Variants in CHD2 observed in about 807,000 individuals in gnomAD.
CHD2 encodes the protein ATP-dependent chromatin remodeler CHD2.
In CHD2, 28 loss-of-function variants were observed where a neutral mutation model predicts 243.9. The observed-to-expected ratio is 0.11, with a 90% CI of 0.09 to 0.16. CHD2 has a LOEUF of 0.16. Among genes scored for constraint, CHD2 ranks in the 10% least tolerant of loss-of-function variants. CHD2 has a pLI of 1.00. For missense variants in CHD2, 1,386 were observed against 2,209.8 expected (o/e 0.63, Z 7.47); for synonymous variants, 775 against 779.0 (o/e 0.99, Z 0.09).
At chr15:92,970,878 C>A (rs559191726) in intron 17 of CHD2, among the ~76,000 whole-genome samples, 1 of 152,006 alleles carries the variant, frequency 6.6e-6, no homozygotes, top group Non-Finnish European at 1.5e-5. Context: ...AGAAATTGCG[C>A]CACTCAGGAA....
At chr15:92,987,914 A>G (rs1342149794) in intron 26 of CHD2, among the ~76,000 whole-genome samples, 4 of 152,034 alleles carry the variant, frequency 2.6e-5, no homozygotes, top group Non-Finnish European at 5.9e-5. Flanking sequence ...ACATCTTAGA[A>G]CAATTTACTT....
At chr15:92,968,634 T>G (rs1024814270) in intron 17 of CHD2, among the ~76,000 whole-genome samples, 2 of 152,234 alleles carry the variant, frequency 1.3e-5, no homozygotes, top group African/African-American at 4.8e-5. Flanking sequence ...AAAGAAACTT[T>G]CCCATGTCAG....
chr15:92,991,897 T>C (rs2054124862), intron 27 of CHD2: 1 of 161,612 alleles, frequency 6.2e-6, no homozygotes, highest in South Asian at 2.0e-4. Flanking sequence ...AAAGGCTCTT[T>C]ATGATTTTAT....
intron 1 of CHD2, 144 bp downstream of exon 1, chr15:92,900,968 T>A (rs2052520705): frequency 4.3e-6 from 2 of 462,954 alleles, no homozygotes; most frequent in East Asian, 7.0e-5. Context: ...TGAGAAAGTT[T>A]CCTTATTGAT....
chr15:92,938,943 C>A (rs1439314188), intron 6 of CHD2, among the ~76,000 whole-genome samples: 1 of 152,142 alleles, frequency 6.6e-6, no homozygotes, highest in African/African-American at 2.4e-5. Context: ...TGTATAGTTA[C>A]TTCTTGTGCT....
intron 2 of CHD2, among the ~76,000 whole-genome samples, chr15:92,919,589 A>G (rs2052914993): frequency 6.6e-6 from 1 of 152,012 alleles, no homozygotes; most frequent in Non-Finnish European, 1.5e-5. Context: ...ATGGGGTTTC[A>G]CCGTGTTAGC....
chr15:92,940,946 T>A (rs2053366412), intron 7 of CHD2, among the ~76,000 whole-genome samples: 1 of 129,544 alleles, frequency 7.7e-6, no homozygotes, highest in Admixed American at 9.2e-5. Flanking sequence ...AAAATATATA[T>A]AAATATAAAT....
chr15:92,950,972 T>G (rs576680797), intron 13 of CHD2, among the ~76,000 whole-genome samples: 1 of 152,294 alleles, frequency 6.6e-6, no homozygotes, highest in African/African-American at 2.4e-5. Flanking sequence ...TCTGAATTGC[T>G]TAAAAATGAT....
Position 93,024,780 on chromosome 15 carries a change from T to C in CHD2, c.*75T>C. ...TTTGGTCTGATCCTACAGTAGCCGGTTATCTAGACCAGTAAGTGGAGTTTT... is the reference window on the plus strand; with the variant it reads ...TTTGGTCTGATCCTACAGTAGCCGGCTATCTAGACCAGTAAGTGGAGTTTT... On this transcript the variant is annotated 3_prime_UTR_variant, in exon 39 of 39. Coordinates refer to ENST00000394196, the MANE Select transcript of CHD2 (RefSeq NM_001271.4). 1 of 1,278,162 alleles carries C rather than the reference T, an allele frequency of 7.8e-7. No homozygotes were observed. Among genetic ancestry groups the C allele is most frequent in the Non-Finnish European group, 1.1e-6 (1 of 920,716 alleles). 79.2% of individuals were successfully genotyped at this position (1,278,162 alleles called of 1,614,324 possible). A position where few individuals can be genotyped will look rare whatever the true frequency, so the allele number is the denominator to read the frequency against.
At chr15:92,936,061 C>T (rs7164668) in intron 5 of CHD2, among the ~76,000 whole-genome samples, 71,774 of 151,884 alleles carry the variant, frequency 0.47, 17,968 homozygotes, top group East Asian at 0.85. Flanking sequence ...TATGGAAACA[C>T]GCAGTGCTAG....
chr15:92,946,203 C>T lies in CHD2; in HGVS notation c.1364C>T (p.Thr455Ile), dbSNP rs1196403804. The T allele has an allele frequency of 1.9e-6, 3 of 1,610,418 alleles. No individual in the cohort carries two copies. The highest frequency in any genetic ancestry group is 4.5e-5 in the East Asian group (2 of 44,852). Residue 455 changes from threonine to isoleucine, a missense_variant, in exon 12 of 39, where the codon ACA becomes ATA. Coordinates refer to ENST00000394196, the MANE Select transcript of CHD2 (RefSeq NM_001271.4). Reference protein sequence around the residue: ...HSRNNSKTIPTRECKALKQRP... With the variant: ...HSRNNSKTIPIRECKALKQRP... ...AGGAACAACTCAAAAACCATCCCAA[C>T]AAGAGAATGCAAGGTATGGTGATGG...
At chr15:93,005,359 A>C (rs1390657192) in intron 34 of CHD2, among the ~76,000 whole-genome samples, 1 of 152,160 alleles carries the variant, frequency 6.6e-6, no homozygotes, top group Non-Finnish European at 1.5e-5. Context: ...GAGCGAGTGC[A>C]TGGACCAGGT....
chr15:92,971,619 TA>T lies in CHD2; in HGVS notation c.2190-145del, dbSNP rs2053842964. 9.3e-6 allele frequency: 5 copies of T among 537,868 alleles called. No individual in the cohort carries two copies. In the South Asian group the frequency reaches 1.9e-4, roughly 21 times the overall value. 33.3% of individuals were successfully genotyped at this position (537,868 alleles called of 1,614,324 possible). A position where few individuals can be genotyped will look rare whatever the true frequency, so the allele number is the denominator to read the frequency against. On this transcript the variant is annotated intron_variant, in intron 17 of 38. Transcript: ENST00000394196. ...AGATGTATGATTAGATGGCAGGAGA[TA>T]CAAAAGAAAATATTCTTTGCTTCTT...
chr15:92,924,514 C>G lies in CHD2; in HGVS notation c.256C>G (p.Pro86Ala). Residue 86 changes from proline (P) to alanine (A), a missense_variant, in exon 3 of 39, where the codon CCA (proline) becomes GCA (alanine). This residue lies in a region of CHD2 where 89 missense variants were observed against 102.4 expected (regional missense o/e 0.87). Coordinates refer to ENST00000394196, the MANE Select transcript of CHD2 (RefSeq NM_001271.4). ...QPVLPEAKEK[P>A]ASKKERIADV... ...AGTCCTCCCAGAAGCCAAAGAGAAG[C>G]CAGCCTCTAAGAAGGAACGGATAGC... 6.2e-7 allele frequency: 1 copy of G among 1,614,082 alleles called. No individual in the cohort carries two copies. The highest frequency in any genetic ancestry group is 8.5e-7 in the Non-Finnish European group (1 of 1,180,006).
chr15:93,010,429 T>TC (rs2054377080), intron 35 of CHD2, among the ~76,000 whole-genome samples: 1 of 100,762 alleles, frequency 9.9e-6, no homozygotes, highest in South Asian at 4.0e-4. Context: ...TTTTTTTTTT[T>TC]TTAAATGAGA....
chr15:93,014,918 T>C lies in CHD2; in HGVS notation c.4906+9T>C, dbSNP rs2054438627. ...ACACTTCAGTAATGCAGGTAGGTCA[T>C]TAAGTGGAGTTTTTAAAAGAGGTGC... On this transcript the variant is annotated intron_variant, in intron 37 of 38. Coordinates refer to ENST00000394196, the MANE Select transcript of CHD2 (RefSeq NM_001271.4). 1 of 1,608,338 alleles carries C rather than the reference T, an allele frequency of 6.2e-7. No homozygotes were observed. Among genetic ancestry groups the C allele is most frequent in the East Asian group, 2.2e-5 (1 of 44,826 alleles).
chr15:92,995,673 T>G (rs1256834455), intron 28 of CHD2, among the ~76,000 whole-genome samples: 1 of 152,194 alleles, frequency 6.6e-6, no homozygotes, highest in Non-Finnish European at 1.5e-5. Context: ...ATATTTGGGT[T>G]GTTTTCGGTC....
intron 16 of CHD2, among the ~76,000 whole-genome samples, chr15:92,958,530 C>A (rs991690550): frequency 9.2e-5 from 14 of 152,036 alleles, no homozygotes; most frequent in Admixed American, 6.5e-4. Context: ...GCAAAAAATT[C>A]AAAAAATTGC....
rs780655341 is a variant in CHD2, at chr15:92,927,342, A to G, written c.381+12A>G. 8 of 1,602,454 alleles carry G rather than the reference A, an allele frequency of 5.0e-6. No individual in the cohort carries two copies. In the African/African-American group the frequency reaches 1.1e-4, roughly 21 times the overall value. On this transcript the variant is annotated intron_variant, in intron 4 of 38. Transcript: ENST00000394196. The stretch of plus-strand genomic sequence containing the variant: ...ATATTAAGGAAGAGGTAAGGAAAAA[A>G]TGTTTTAAGGGCATGCATTTAAACT...
Sources: allele counts gnomAD v4.1 joint callset (sites outside exome capture counted in the v4.1 genomes callset), GRCh38; gene constraint gnomAD v4.1.1; regional missense constraint gnomAD v4.1.1; transcripts MANE v1.5; gene names NCBI Gene and HGNC (gene_info 2026-07-23, HGNC 2026-07-21).